Variants in SAMD12 observed in about 807,000 individuals in gnomAD.
The protein encoded by SAMD12 is sterile alpha motif domain-containing protein 12.
In SAMD12, 9 loss-of-function variants were observed where a neutral mutation model predicts 15.0. The ratio of observed to expected loss-of-function variants is 0.60; its 90% CI spans 0.36 to 1.05. SAMD12 has a LOEUF of 1.05. Ranked by LOEUF, SAMD12 falls within the 50% of genes least tolerant of loss-of-function variation. The pLI, the probability that SAMD12 is intolerant of heterozygous loss-of-function variation, is 0.01. For synonymous variants in SAMD12, 86 were observed against 90.1 expected, an observed-to-expected ratio of 0.96 and a Z score of 0.25; for missense variants, 230 against 234.2, an observed-to-expected ratio of 0.98 and a Z score of 0.12.
chr8:118,403,385 A>G (rs888824496), intron 3 of SAMD12, among the ~76,000 whole-genome samples: 1 of 152,082 alleles, frequency 6.6e-6, no homozygotes, highest in African/African-American at 2.4e-5. Context: ...AAGAGGCAGT[A>G]TGGCAGAGTG....
At chr8:118,437,990 A>C (rs1028590602) in intron 3 of SAMD12, among the ~76,000 whole-genome samples, 1 of 152,198 alleles carries the variant, frequency 6.6e-6, no homozygotes, top group African/African-American at 2.4e-5. Context: ...AGGCATTAAA[A>C]AACATTAAGC....
At chr8:118,445,842 T>C (rs1006920479) in intron 2 of SAMD12, among the ~76,000 whole-genome samples, 4 of 152,164 alleles carry the variant, frequency 2.6e-5, no homozygotes, top group African/African-American at 7.2e-5. Context: ...TCTGAACATA[T>C]AGTGAGGCAT....
chr8:118,193,268 T>G (rs1819457903), exon 5 of SAMD12: 1 of 152,240 alleles, frequency 6.6e-6, no homozygotes, highest in South Asian at 2.1e-4. Context: ...TCCTGTGTAC[T>G]TGGCCAACTT....
intron 1 of SAMD12, among the ~76,000 whole-genome samples, chr8:118,601,695 G>A (rs1827870185): frequency 6.6e-6 from 1 of 152,190 alleles, no homozygotes; most frequent in African/African-American, 2.4e-5. Flanking sequence ...CAACATCACA[G>A]AGCAAATGGC....
intron 2 of SAMD12, among the ~76,000 whole-genome samples, chr8:118,567,146 T>C (rs1826875353): frequency 6.6e-6 from 1 of 152,142 alleles, no homozygotes; most frequent in African/African-American, 2.4e-5. Context: ...AGGTAGATAG[T>C]ATTATTATTC....
chr8:118,478,013 C>CAAAAA (rs10629817), intron 2 of SAMD12, among the ~76,000 whole-genome samples: 2 of 88,262 alleles, frequency 2.3e-5, no homozygotes, highest in African/African-American at 8.7e-5. Context: ...GACCCTGTCT[C>CAAAAA]AAAAAAAAAA....
At chr8:118,317,529 T>C (rs1815983090) in intron 4 of SAMD12, among the ~76,000 whole-genome samples, 1 of 152,170 alleles carries the variant, frequency 6.6e-6, no homozygotes, top group Non-Finnish European at 1.5e-5. Flanking sequence ...ACAAAGAGTA[T>C]ATAATGTACA....
In SAMD12 at chr8:118,560,422, TA is replaced by T. The variant is rs1826670210; in HGVS notation, c.192+20292del. Among the ~76,000 whole-genome samples, 7 of 152,338 alleles carry T rather than the reference TA, an allele frequency of 4.6e-5. No individual in the cohort carries two copies. In the South Asian group the frequency reaches 1.4e-3, roughly 32 times the overall value. On this transcript the variant is annotated intron_variant, in intron 2 of 3. Transcript: ENST00000314727. Reference sequence around the variant, plus strand: ...TACGAATGACTTCCAAGAATACTTCTATACTACCCTTCCACCCATTTGGATT... The same window carrying T: ...TACGAATGACTTCCAAGAATACTTCTTACTACCCTTCCACCCATTTGGATT...
chr8:118,423,117 G>A (rs1040489136), intron 3 of SAMD12, among the ~76,000 whole-genome samples: 5 of 152,158 alleles, frequency 3.3e-5, no homozygotes, highest in African/African-American at 1.2e-4. Context: ...CCAGGGTATC[G>A]AGGCTGCAGT....
rs190942409 is a variant in SAMD12 at position 118,406,549 on chromosome 8, C to T, written c.323-26849G>A. On this transcript the variant is annotated intron_variant, in intron 3 of 3. Transcript: ENST00000314727. ...TCGGCCTCCCAAAGTGCTAGGATTA[C>T]AGTCATGAGGTACTGGCCCAACCTC... is the stretch of plus-strand genomic sequence containing the variant. Among the ~76,000 whole-genome samples, 19 of 152,250 alleles carry T rather than the reference C, an allele frequency of 1.2e-4. 1 individual carries two copies. Among genetic ancestry groups the T allele is most frequent in the African/African-American group, 4.6e-4 (19 of 41,542 alleles).
At chr8:118,585,882 A>C (rs910506468) in intron 1 of SAMD12, among the ~76,000 whole-genome samples, 10 of 152,172 alleles carry the variant, frequency 6.6e-5, no homozygotes, top group African/African-American at 2.4e-4. Context: ...GTGATGCTAG[A>C]AGAGTTGAGG....
intron 3 of SAMD12, among the ~76,000 whole-genome samples, chr8:118,395,866 G>C (rs1222648513): frequency 1.3e-5 from 2 of 151,284 alleles, no homozygotes; most frequent in Admixed American, 1.3e-4. Context: ...GCTGAGGCAG[G>C]AGAATGGGGT....
intron 4 of SAMD12, among the ~76,000 whole-genome samples, chr8:118,228,332 A>G (rs2129906387): frequency 6.6e-6 from 1 of 152,358 alleles, no homozygotes; most frequent in South Asian, 2.1e-4. Flanking sequence ...AACAGTCGGC[A>G]GAGTCAACAG....
chr8:118,175,688 A>C, the SAMD12 span, among the ~76,000 whole-genome samples: 8,607 of 152,318 alleles, frequency 0.057, 580 homozygotes, highest in African/African-American at 0.15. Flanking sequence ...GGACATGAAA[A>C]GACACTTCTC....
intron 4 of SAMD12, among the ~76,000 whole-genome samples, chr8:118,269,216 C>T (rs1174009037): frequency 8.6e-6 from 1 of 116,908 alleles, no homozygotes. Flanking sequence ...CTCTCTCTCT[C>T]TCTCTGTGTG....
intron 4 of SAMD12, among the ~76,000 whole-genome samples, chr8:118,311,554 A>G (rs1815632429): frequency 6.6e-6 from 1 of 152,194 alleles, no homozygotes; most frequent in Non-Finnish European, 1.5e-5. Flanking sequence ...GCTTATCCAA[A>G]GTTTCAGATG....
chr8:118,551,704 CA>C (rs1283275107), intron 2 of SAMD12, among the ~76,000 whole-genome samples: 2 of 148,670 alleles, frequency 1.3e-5, no homozygotes, highest in African/African-American at 2.5e-5. Flanking sequence ...AATAGAGACA[CA>C]AAAAACCCTT....
the SAMD12 span, among the ~76,000 whole-genome samples, chr8:118,176,871 C>T: frequency 6.6e-6 from 1 of 152,130 alleles, no homozygotes; most frequent in African/African-American, 2.4e-5. Flanking sequence ...TTCCAATTTT[C>T]CTCAGTTTTC....
At chr8:118,158,993 G>A in the SAMD12 span, among the ~76,000 whole-genome samples, 1 of 152,030 alleles carries the variant, frequency 6.6e-6, no homozygotes, top group Non-Finnish European at 1.5e-5. Flanking sequence ...CTGAATGCGG[G>A]ACAAGAACTC....
Sources: gnomAD v4.1 joint callset for allele counts (sites outside exome capture counted in the v4.1 genomes callset) on GRCh38, gnomAD v4.1.1 for gene constraint, MANE v1.5 for transcripts, NCBI Gene and HGNC (gene_info 2026-07-23, HGNC 2026-07-21) for gene names.